TBC1D10A: variants seen among roughly 807,000 people sequenced by gnomAD.
TBC1D10A encodes the protein EBP50-PDX interactor of 64 kDa.
Under a neutral mutation model 52.9 loss-of-function variants are expected in TBC1D10A, and 24 were observed. The ratio of observed to expected loss-of-function variants is 0.45; its 90% CI spans 0.33 to 0.64. The LOEUF (loss-of-function observed/expected upper bound fraction) is 0.64. Among genes scored for constraint, TBC1D10A ranks in the 30% least tolerant of loss-of-function variants. The pLI, the probability that TBC1D10A is intolerant of heterozygous loss-of-function variation, is 0.02. For synonymous variants in TBC1D10A, 278 were observed against 282.9 expected, an observed-to-expected ratio of 0.98 and a Z score of 0.17; for missense variants, 602 against 687.9, an observed-to-expected ratio of 0.88 and a Z score of 1.40.
intron 6 of TBC1D10A, 70 bp downstream of exon 6, chr22:30,294,726 G>A (rs547861719): frequency 1.9e-6 from 3 of 1,602,424 alleles, no homozygotes; most frequent in African/African-American, 2.7e-5. Context: ...GAGTTACTAT[G>A]AGAGAAGGGC....
At position 30,294,878 on chromosome 22, in the gene TBC1D10A, T is replaced by A. The variant is rs1378861324; in HGVS notation, c.640-17A>T. On this transcript the variant is annotated splice_polypyrimidine_tract_variant and intron_variant, in intron 5 of 8. Transcript: ENST00000215790. ...GAAGGCTTGCTGTGGGCAAGAGAGATGTGAGGCCTTGCCGTTGGGGGTTCC... is the reference window on the plus strand; with the variant it reads ...GAAGGCTTGCTGTGGGCAAGAGAGAAGTGAGGCCTTGCCGTTGGGGGTTCC... 6.2e-7 allele frequency: 1 copy of A among 1,614,096 alleles called. No individual in the cohort carries two copies. Among genetic ancestry groups the A allele is most frequent in the South Asian group, 1.1e-5 (1 of 91,088 alleles).
At chr22:30,302,870 A>ATTGC (rs1930230432) in intron 2 of TBC1D10A, among the ~76,000 whole-genome samples, 1 of 152,204 alleles carries the variant, frequency 6.6e-6, no homozygotes, top group Non-Finnish European at 1.5e-5. Context: ...ACCATAACAG[A>ATTGC]TTGCTGGAGA....
At chr22:30,322,911 G>C (rs1212622381) in intron 1 of TBC1D10A, among the ~76,000 whole-genome samples, 1 of 90,746 alleles carries the variant, frequency 1.1e-5, no homozygotes, top group South Asian at 3.7e-4. Flanking sequence ...TTTTTTTTTT[G>C]AGACAGGGTC....
chr22:30,293,647 G>C lies in TBC1D10A; in HGVS notation c.1050+4C>G, dbSNP rs749189662. ...CCATGATAAGGGGCAGGCATGGGCT[G>C]TACCTCCTGGACCAGAAAGGCCTCC... On this transcript the variant is annotated splice_donor_region_variant and intron_variant, in intron 8 of 8. Transcript: ENST00000215790. 2 of 1,604,234 alleles carry C rather than the reference G, an allele frequency of 1.2e-6. No individual in the cohort carries two copies. The highest frequency in any genetic ancestry group is 1.1e-5 in the South Asian group (1 of 90,692).
Position 30,309,588 on chromosome 22 carries a change from G to A in TBC1D10A, c.210-4958C>T, listed in dbSNP as rs144428830. Among the ~76,000 whole-genome samples, 409 of 152,310 alleles carry A rather than the reference G, an allele frequency of 2.7e-3. 3 individuals are homozygous for A. Among genetic ancestry groups the A allele is most frequent in the Middle Eastern group, 6.8e-3 (2 of 294 alleles). On this transcript the variant is annotated intron_variant, in intron 1 of 8. Transcript: ENST00000215790. ...GAGGAAAGGCTCAGAGGAGACAAAG[G>A]TGGCACCTAATCACAGATCTTGTCA... is the stretch of plus-strand genomic sequence containing the variant.
chr22:30,303,306 T>C lies in TBC1D10A; in HGVS notation c.309+1225A>G, dbSNP rs187240645. ...ATAAATAGTTAGATAGATAGATAGA[T>C]AGACAGACAGACAGACAGACAGACA... On this transcript the variant is annotated intron_variant, in intron 2 of 8. Transcript: ENST00000215790. Among the ~76,000 whole-genome samples the C allele has an allele frequency of 1.0e-3, 155 of 149,022 alleles. 1 individual carries two copies. The highest frequency in any genetic ancestry group is 8.6e-3 in the South Asian group (41 of 4,766).
chr22:30,318,521 G>A (rs1259433417), intron 1 of TBC1D10A: 2 of 438,642 alleles, frequency 4.6e-6, no homozygotes, highest in African/African-American at 4.1e-5. Context: ...CCAGAGCTGT[G>A]ACAACGCAGA....
intron 1 of TBC1D10A, among the ~76,000 whole-genome samples, chr22:30,309,778 C>T (rs1252390829): frequency 6.6e-6 from 1 of 152,196 alleles, no homozygotes; most frequent in African/African-American, 2.4e-5. Flanking sequence ...AGACTGCTTC[C>T]CAGGCTACTG....
chr22:30,316,828 C>T (rs1318062548), intron 1 of TBC1D10A, among the ~76,000 whole-genome samples: 1 of 151,896 alleles, frequency 6.6e-6, no homozygotes, highest in Non-Finnish European at 1.5e-5. Flanking sequence ...CGCTTGTGCC[C>T]AGGAGTTTGA....
chr22:30,314,438 C>T (rs1930491182), intron 1 of TBC1D10A, among the ~76,000 whole-genome samples: 1 of 152,206 alleles, frequency 6.6e-6, no homozygotes. Context: ...ACAGGCTCCT[C>T]TGTGAAATGG....
At chr22:30,325,669 T>G (rs1381169825) in intron 1 of TBC1D10A, among the ~76,000 whole-genome samples, 1 of 151,978 alleles carries the variant, frequency 6.6e-6, no homozygotes, top group African/African-American at 2.4e-5. Context: ...TGGGGCAACA[T>G]GGGGCCCAGC....
chr22:30,305,102 G>A (rs1444760916), intron 1 of TBC1D10A, among the ~76,000 whole-genome samples: 1 of 152,166 alleles, frequency 6.6e-6, no homozygotes, highest in African/African-American at 2.4e-5. Context: ...CCCCAATTAT[G>A]CCCTGGCCCT....
In TBC1D10A at chr22:30,297,015, C is replaced by T. The variant is rs535250906; in HGVS notation, c.418-1172G>A. The T allele has an allele frequency of 6.6e-6, 1 of 152,294 alleles. No individual in the cohort carries two copies. Among genetic ancestry groups the T allele is most frequent in the South Asian group, 2.1e-4 (1 of 4,822 alleles). 9.4% of individuals were successfully genotyped at this position (152,294 alleles called of 1,614,324 possible). On this transcript the variant is annotated intron_variant, in intron 3 of 8. Coordinates refer to ENST00000215790, the MANE Select transcript of TBC1D10A (RefSeq NM_031937.3). The surrounding 1 kb of genome is among the most constrained non-coding windows in gnomAD (Gnocchi z 4.3). ...GAGGCCAGGTCCTCAGCAAACATAC[C>T]CAGTGGGCGCAGACACAGGCCCTGC...
chr22:30,302,624 C>G (rs1175117868), intron 2 of TBC1D10A, among the ~76,000 whole-genome samples: 1 of 152,230 alleles, frequency 6.6e-6, no homozygotes, highest in Non-Finnish European at 1.5e-5. Context: ...CGAGGGGCAC[C>G]CAGTGGATGG....
At chr22:30,302,964 T>A (rs1303032010) in intron 2 of TBC1D10A, among the ~76,000 whole-genome samples, 3 of 152,204 alleles carry the variant, frequency 2.0e-5, no homozygotes, top group Non-Finnish European at 4.4e-5. Context: ...AGGTGAGGAA[T>A]AACTGTCTTA....
At chr22:30,304,264 A>C (rs577432043) in intron 2 of TBC1D10A, among the ~76,000 whole-genome samples, 1 of 152,338 alleles carries the variant, frequency 6.6e-6, no homozygotes, top group East Asian at 1.9e-4. Context: ...GGCTAGAAGA[A>C]AGCTGTGTTA....
At chr22:30,293,422 T>G in intron 8 of TBC1D10A, 1 of 745,902 alleles carries the variant, frequency 1.3e-6, no homozygotes, top group Non-Finnish European at 2.4e-6. Flanking sequence ...AACATTCTTC[T>G]TCATTCCCAA....
rs1443542665 is a variant in TBC1D10A, at chr22:30,326,655, AC to A, written c.209+17del. On this transcript the variant is annotated intron_variant, in intron 1 of 8. Coordinates refer to ENST00000215790, the MANE Select transcript of TBC1D10A (RefSeq NM_031937.3). ...CGCGTGGGTGGCGCGCTCAGTCCCGACCCCCGGCGCTACTCACGCGCCCTCG... is the reference window on the plus strand; with the variant it reads ...CGCGTGGGTGGCGCGCTCAGTCCCGACCCCGGCGCTACTCACGCGCCCTCG... The A allele has an allele frequency of 1.3e-6, 2 of 1,554,638 alleles. No homozygotes were observed. Among genetic ancestry groups the A allele is most frequent in the Non-Finnish European group, 1.7e-6 (2 of 1,152,342 alleles).
intron 6 of TBC1D10A, 101 bp downstream of exon 6, chr22:30,294,695 G>A: frequency 1.3e-6 from 2 of 1,523,672 alleles, no homozygotes; most frequent in South Asian, 1.1e-5. Context: ...CAGAAGGCCG[G>A]AAAGTTTTTA....
Sources: allele counts gnomAD v4.1 joint callset (sites outside exome capture counted in the v4.1 genomes callset), GRCh38; gene constraint gnomAD v4.1.1; non-coding constraint Gnocchi (gnomAD v3.1); transcripts MANE v1.5; gene names NCBI Gene and HGNC (gene_info 2026-07-23, HGNC 2026-07-21).